The following FAM174B variants were observed in gnomAD, a reference collection of about 807,000 sequenced individuals.
The protein encoded by FAM174B is membrane protein FAM174B.
In FAM174B, 12 loss-of-function variants were observed where a neutral mutation model predicts 10.9. The observed-to-expected ratio is 1.10, with a 90% CI of 0.71 to 1.79. The LOEUF (loss-of-function observed/expected upper bound fraction) is 1.79, where lower values mean the gene tolerates loss of function less well. FAM174B is among the 40% of genes most tolerant of loss of function. The pLI is 0.00. For missense variants in FAM174B, 266 were observed against 233.3 expected (o/e 1.14, Z -0.91); for synonymous variants, 132 against 115.8 (o/e 1.14, Z -0.90).
At position 92,617,760 on chromosome 15, in the gene FAM174B, C is replaced by A; in HGVS notation, c.*1696G>T. ...CCGTGGAGAGGAGAGATAAAGCAGC[C>A]ACGGCTGTTCTGTTGCCAGTCCCAC... On this transcript the variant is annotated 3_prime_UTR_variant, in exon 3 of 3. Transcript: ENST00000327355. 1 of 570,618 alleles carries A rather than the reference C, an allele frequency of 1.8e-6. No individual in the cohort carries two copies. Among genetic ancestry groups the A allele is most frequent in the Non-Finnish European group, 3.1e-6 (1 of 322,662 alleles). 35.3% of individuals were successfully genotyped at this position (570,618 alleles called of 1,614,324 possible).
rs1238342955 is a variant in FAM174B, at chr15:92,618,108, T to C, written c.*1348A>G. The stretch of plus-strand genomic sequence containing the variant: ...TCCAAAAAAAAAAAGAGCAGGACAA[T>C]AAACAGGCAAATACACAAACCCTGG... On this transcript the variant is annotated 3_prime_UTR_variant, in exon 3 of 3. Transcript: ENST00000327355. 5.6e-6 allele frequency: 1 copy of C among 177,998 alleles called. No homozygotes were observed. Among genetic ancestry groups the C allele is most frequent in the Non-Finnish European group, 1.1e-5 (1 of 87,446 alleles). 11.0% of individuals were successfully genotyped at this position (177,998 alleles called of 1,614,324 possible). A position where few individuals can be genotyped will look rare whatever the true frequency, so the allele number is the denominator to read the frequency against.
rs779428411 is a variant in FAM174B, at chr15:92,630,855, G to A, written c.345-510C>T. Among the ~76,000 whole-genome samples, 121 of 36,994 alleles carry A rather than the reference G, an allele frequency of 3.3e-3. 1 individual carries two copies. The highest frequency in any genetic ancestry group is 0.025 in the Middle Eastern group (1 of 40). 24.3% of individuals were successfully genotyped at this position (36,994 alleles called of 152,430 possible). On this transcript the variant is annotated intron_variant, in intron 1 of 2. Transcript: ENST00000327355. The stretch of plus-strand genomic sequence containing the variant: ...ATATTATATATATTACATATTACAT[G>A]TTACATATTACATATTATATATTAT...
intron 1 of FAM174B, among the ~76,000 whole-genome samples, chr15:92,638,972 T>C (rs1208310149): frequency 1.3e-5 from 2 of 152,194 alleles, no homozygotes; most frequent in Non-Finnish European, 2.9e-5. Context: ...TGCCAGCTAA[T>C]GCACATGTGA....
intron 2 of FAM174B, among the ~76,000 whole-genome samples, chr15:92,622,301 C>T (rs1341386264): frequency 6.6e-6 from 1 of 152,254 alleles, no homozygotes; most frequent in Non-Finnish European, 1.5e-5. Context: ...GAATCCTTCA[C>T]GCGCCTCCAC....
intron 1 of FAM174B, among the ~76,000 whole-genome samples, chr15:92,647,799 T>G (rs1042580539): frequency 1.3e-5 from 2 of 152,186 alleles, no homozygotes; most frequent in Non-Finnish European, 2.9e-5. Flanking sequence ...CTATAGAGAA[T>G]CTTCATTAAT....
chr15:92,644,883 C>T (rs1005734596), intron 1 of FAM174B, among the ~76,000 whole-genome samples: 5 of 152,246 alleles, frequency 3.3e-5, no homozygotes, highest in African/African-American at 1.2e-4. Context: ...CATGTATCCC[C>T]ACCTGTCAAA....
intron 1 of FAM174B, among the ~76,000 whole-genome samples, chr15:92,639,531 A>G (rs2050876637): frequency 6.6e-6 from 1 of 152,226 alleles, no homozygotes; most frequent in African/African-American, 2.4e-5. Flanking sequence ...CTGTAAAACT[A>G]CAATAACTGA....
At chr15:92,620,814 C>CAA (rs34607670) in intron 2 of FAM174B, among the ~76,000 whole-genome samples, 4,615 of 70,938 alleles carry the variant, frequency 0.065, 540 homozygotes, top group East Asian at 0.26. Context: ...GACTCTGTCT[C>CAA]AAAAAAAAAA....
In FAM174B at chr15:92,630,078, T is replaced by C. The variant is rs560205136; in HGVS notation, c.476+136A>G. On this transcript the variant is annotated intron_variant, in intron 2 of 2. Transcript: ENST00000327355. ...TGGACTAACACAAGATCAGAGCAGG[T>C]CTCTCCACGTGCAGAACACCCCAGG... The C allele has an allele frequency of 2.4e-5, 17 of 718,478 alleles. No homozygotes were observed. The Admixed American group carries it at 3.3e-4, about 14-fold the overall frequency. 44.5% of individuals were successfully genotyped at this position (718,478 alleles called of 1,614,324 possible).
intron 2 of FAM174B, among the ~76,000 whole-genome samples, chr15:92,624,918 AGGG>A (rs1021511278): frequency 3.3e-5 from 5 of 152,174 alleles, no homozygotes; most frequent in Admixed American, 2.6e-4. Flanking sequence ...GGACGCCTAG[AGGG>A]TGTAACAAAG....
Position 92,653,385 on chromosome 15 carries a change from T to TA in FAM174B, c.344+1930dup, listed in dbSNP as rs200429823. Among the ~76,000 whole-genome samples, 949 of 152,110 alleles carry TA rather than the reference T, an allele frequency of 6.2e-3. 7 individuals are homozygous for TA. The highest frequency in any genetic ancestry group is 0.02 in the Middle Eastern group (6 of 294). On this transcript the variant is annotated intron_variant, in intron 1 of 2. Coordinates refer to ENST00000327355, the MANE Select transcript of FAM174B (RefSeq NM_207446.3). ...CTAGCAAAATTGTTCAAATACCTTC[T>TA]AAAAAAAATACACAGCCTTGTGGAC... is the stretch of plus-strand genomic sequence containing the variant.
At chr15:92,635,169 CCA>C (rs58350171) in intron 1 of FAM174B, among the ~76,000 whole-genome samples, 2 of 10,772 alleles carry the variant, frequency 1.9e-4, no homozygotes, top group African/African-American at 3.1e-4. Context: ...CCACACACAC[CCA>C]CACACACACA....
intron 1 of FAM174B, among the ~76,000 whole-genome samples, chr15:92,644,711 C>G (rs972530237): frequency 1.3e-5 from 2 of 152,216 alleles, no homozygotes; most frequent in Non-Finnish European, 2.9e-5. Flanking sequence ...AGCAGCAGGA[C>G]TGCTGAGACC....
At chr15:92,624,919 G>A (rs2050743553) in intron 2 of FAM174B, among the ~76,000 whole-genome samples, 1 of 152,206 alleles carries the variant, frequency 6.6e-6, no homozygotes, top group African/African-American at 2.4e-5. Flanking sequence ...GACGCCTAGA[G>A]GGTGTAACAA....
At chr15:92,627,170 G>A (rs578252741) in intron 2 of FAM174B, 7 of 152,738 alleles carry the variant, frequency 4.6e-5, no homozygotes, top group South Asian at 2.1e-4. Flanking sequence ...GACCCAGAGC[G>A]TGCCCGGAGA....
intron 1 of FAM174B, among the ~76,000 whole-genome samples, chr15:92,645,250 C>G (rs976502972): frequency 6.6e-6 from 1 of 152,224 alleles, no homozygotes; most frequent in Non-Finnish European, 1.5e-5. Flanking sequence ...TCCTCTACCT[C>G]CTGGGCACCA....
intron 2 of FAM174B, among the ~76,000 whole-genome samples, chr15:92,624,145 C>G (rs1259175467): frequency 2.0e-5 from 3 of 152,180 alleles, no homozygotes; most frequent in South Asian, 2.1e-4. Context: ...ATGAGATGCC[C>G]ATTTTTAACA....
chr15:92,641,294 C>G (rs898900961), intron 1 of FAM174B, among the ~76,000 whole-genome samples: 6 of 152,218 alleles, frequency 3.9e-5, no homozygotes, highest in African/African-American at 1.4e-4. Context: ...ACAACATATA[C>G]AGAGAGCAGT....
Position 92,619,689 on chromosome 15 carries a change from G to A in FAM174B, c.477-230C>T. ...GATCCCTCCCCCAGCTCCCCACACA[G>A]ACTCCCTAGAACACAACCTCTTTCT... On this transcript the variant is annotated intron_variant, in intron 2 of 2. Coordinates refer to ENST00000327355, the MANE Select transcript of FAM174B (RefSeq NM_207446.3). 2.0e-5 allele frequency: 12 copies of A among 594,778 alleles called. No individual in the cohort carries two copies. In the South Asian group the frequency reaches 2.3e-4, roughly 11 times the overall value. 36.8% of individuals were successfully genotyped at this position (594,778 alleles called of 1,614,324 possible).
Sources: allele counts gnomAD v4.1 joint callset (sites outside exome capture counted in the v4.1 genomes callset), GRCh38; gene constraint gnomAD v4.1.1; transcripts MANE v1.5; gene names NCBI Gene and HGNC (gene_info 2026-07-23, HGNC 2026-07-21).